Variants in CLYBL observed in about 807,000 individuals in gnomAD.
CLYBL encodes citramalyl-CoA lyase, mitochondrial.
Under a neutral mutation model 38.9 loss-of-function variants are expected in CLYBL, and 31 were observed. That is an observed-to-expected ratio of 0.80 (90% CI 0.60 to 1.08). CLYBL has a LOEUF of 1.08. CLYBL is among the 50% of genes least tolerant of loss of function. CLYBL has a pLI of 0.00. For missense variants in CLYBL, 434 were observed against 411.6 expected (o/e 1.05, Z -0.47); for synonymous variants, 171 against 158.6 (o/e 1.08, Z -0.59).
At chr13:99,754,310 G>A (rs1448611477) in intron 1 of CLYBL, among the ~76,000 whole-genome samples, 1 of 150,744 alleles carries the variant, frequency 6.6e-6, no homozygotes, top group Admixed American at 6.6e-5. Flanking sequence ...ATCACTACTT[G>A]GGAGGCTGAA....
chr13:99,786,628 C>G (rs1286823464), intron 2 of CLYBL, among the ~76,000 whole-genome samples: 1 of 152,134 alleles, frequency 6.6e-6, no homozygotes, highest in Non-Finnish European at 1.5e-5. Context: ...TGGGTTGGTT[C>G]CAAGTCTTTG....
At chr13:99,864,756 G>T in intron 4 of CLYBL, 62 bp from the exon 5 acceptor site, 1 of 1,121,796 alleles carries the variant, frequency 8.9e-7, no homozygotes, top group Non-Finnish European at 1.4e-6. Context: ...GAAATGCACC[G>T]TGCCTCTTCC....
chr13:99,665,347 T>A (rs1028439067), intron 1 of CLYBL, among the ~76,000 whole-genome samples: 8 of 151,916 alleles, frequency 5.3e-5, no homozygotes, highest in South Asian at 2.1e-4. Context: ...AAAAAAAAAA[T>A]TTCTTAATAA....
At chr13:99,748,844 A>T (rs986170140) in intron 1 of CLYBL, among the ~76,000 whole-genome samples, 2 of 152,166 alleles carry the variant, frequency 1.3e-5, no homozygotes, top group African/African-American at 4.8e-5. Flanking sequence ...CAGCATAATG[A>T]AGAACTTTAA....
intron 1 of CLYBL, among the ~76,000 whole-genome samples, chr13:99,691,228 A>G (rs2047897162): frequency 6.6e-6 from 1 of 152,226 alleles, no homozygotes; most frequent in African/African-American, 2.4e-5. Context: ...CTTAAGCATT[A>G]CTTTTTATTT....
intron 2 of CLYBL, among the ~76,000 whole-genome samples, chr13:99,816,780 G>C (rs1422517501): frequency 6.6e-6 from 1 of 152,188 alleles, no homozygotes; most frequent in Non-Finnish European, 1.5e-5. Flanking sequence ...CTGTGAGAAA[G>C]AAATTTTTAT....
chr13:99,681,306 C>T (rs990467920), intron 1 of CLYBL, among the ~76,000 whole-genome samples: 2 of 152,000 alleles, frequency 1.3e-5, no homozygotes, highest in Non-Finnish European at 2.9e-5. Flanking sequence ...AGGAGAGTGT[C>T]CTTGGTTTGG....
At chr13:99,647,180 G>A (rs2139289760) in intron 1 of CLYBL, among the ~76,000 whole-genome samples, 1 of 152,312 alleles carries the variant, frequency 6.6e-6, no homozygotes, top group East Asian at 1.9e-4. Flanking sequence ...GTTTCTTCTT[G>A]AGAAATGCTA....
chr13:99,740,453 C>T (rs775703845), intron 1 of CLYBL, among the ~76,000 whole-genome samples: 5 of 152,304 alleles, frequency 3.3e-5, no homozygotes, highest in South Asian at 4.1e-4. Flanking sequence ...AGAAAATTGC[C>T]ATCTGAGCAT....
At chr13:99,882,845 C>A (rs1256060021) in intron 7 of CLYBL, among the ~76,000 whole-genome samples, 2 of 152,072 alleles carry the variant, frequency 1.3e-5, no homozygotes, top group African/African-American at 4.8e-5. Context: ...AGACAATCTT[C>A]CTATTTCCTC....
intron 1 of CLYBL, among the ~76,000 whole-genome samples, chr13:99,644,743 C>T (rs2047152056): frequency 6.6e-6 from 1 of 152,174 alleles, no homozygotes; most frequent in African/African-American, 2.4e-5. Context: ...ACTTTCAGCT[C>T]CCACAAGTGA....
intron 2 of CLYBL, among the ~76,000 whole-genome samples, chr13:99,800,083 C>A (rs1044372953): frequency 3.9e-5 from 6 of 152,318 alleles, no homozygotes; most frequent in African/African-American, 1.2e-4. Context: ...GAAGAACGTG[C>A]AGTTTGTCGT....
chr13:99,665,435 GGCA>G (rs1173918778), intron 1 of CLYBL, among the ~76,000 whole-genome samples: 1 of 151,828 alleles, frequency 6.6e-6, no homozygotes, highest in Admixed American at 6.6e-5. Flanking sequence ...CTTTGGTTGA[GGCA>G]GCAGCAGAGG....
At chr13:99,661,062 AT>A (rs1255713818) in intron 1 of CLYBL, among the ~76,000 whole-genome samples, 4 of 152,182 alleles carry the variant, frequency 2.6e-5, no homozygotes, top group Non-Finnish European at 5.9e-5. Flanking sequence ...AAAATATGCT[AT>A]TTTAATTGAA....
intron 2 of CLYBL, among the ~76,000 whole-genome samples, chr13:99,847,993 G>C (rs1449184268): frequency 6.6e-6 from 1 of 152,144 alleles, no homozygotes; most frequent in Non-Finnish European, 1.5e-5. Context: ...TCTGTCTCCT[G>C]GTTCAAGCTC....
At chr13:99,682,103 A>G (rs552218116) in intron 1 of CLYBL, among the ~76,000 whole-genome samples, 7 of 152,056 alleles carry the variant, frequency 4.6e-5, no homozygotes, top group African/African-American at 1.7e-4. Flanking sequence ...TAGCTACTGA[A>G]TACTGTAGGC....
intron 2 of CLYBL, among the ~76,000 whole-genome samples, chr13:99,813,026 T>A (rs1197785008): frequency 6.6e-6 from 1 of 152,220 alleles, no homozygotes; most frequent in Non-Finnish European, 1.5e-5. Context: ...TACATCCTGC[T>A]AGGAGAATGA....
chr13:99,639,303 G>A (rs1416801790), intron 1 of CLYBL, among the ~76,000 whole-genome samples: 1 of 152,170 alleles, frequency 6.6e-6, no homozygotes, highest in East Asian at 1.9e-4. Flanking sequence ...GGTCATTAAT[G>A]CCCACACAAT....
chr13:99,623,144 A>G (rs1594088074), intron 1 of CLYBL, among the ~76,000 whole-genome samples: 2 of 152,196 alleles, frequency 1.3e-5, no homozygotes, highest in Admixed American at 1.3e-4. Context: ...TGTGCCATAT[A>G]GTAATTCTAT....
Sources: allele counts gnomAD v4.1 joint callset (sites outside exome capture counted in the v4.1 genomes callset), GRCh38; gene constraint gnomAD v4.1.1; transcripts MANE v1.5; gene names NCBI Gene and HGNC (gene_info 2026-07-23, HGNC 2026-07-21).